Variants in TUSC3 observed in about 807,000 individuals in gnomAD.
TUSC3 encodes tumor suppressor candidate 3.
In TUSC3, 45 loss-of-function variants were observed where a neutral mutation model predicts 44.8. The observed-to-expected ratio is 1.00, with a 90% CI of 0.79 to 1.29. The LOEUF (loss-of-function observed/expected upper bound fraction) is 1.29. Ranked by LOEUF, TUSC3 falls within the 50% of genes most tolerant of loss-of-function variation. TUSC3 has a pLI of 0.00. For synonymous variants in TUSC3, 212 were observed against 152.9 expected (o/e 1.39, Z -2.85); for missense variants, 519 against 437.9 (o/e 1.19, Z -1.65).
chr8:15,808,789 G>A, the TUSC3 span, among the ~76,000 whole-genome samples: 1 of 152,048 alleles, frequency 6.6e-6, no homozygotes, highest in East Asian at 1.9e-4. Context: ...CTCATTCTGA[G>A]CTCTTGGTCA....
intron 1 of TUSC3, among the ~76,000 whole-genome samples, chr8:15,597,300 C>T (rs1302752909): frequency 6.6e-6 from 1 of 152,068 alleles, no homozygotes; most frequent in Non-Finnish European, 1.5e-5. Flanking sequence ...GAGATCTAAA[C>T]CAGTATCATT....
chr8:15,846,661 T>A, the TUSC3 span, among the ~76,000 whole-genome samples: 2 of 150,720 alleles, frequency 1.3e-5, no homozygotes, highest in Non-Finnish European at 3.0e-5. Flanking sequence ...AATTGAGGAG[T>A]TGAACAATGA....
In TUSC3 at chr8:15,765,327, C is replaced by T. The variant is rs1421869643; in HGVS notation, c.*1171C>T. 1 of 151,970 alleles carries T rather than the reference C, an allele frequency of 6.6e-6. No homozygotes were observed. The highest frequency in any genetic ancestry group is 1.5e-5 in the Non-Finnish European group (1 of 67,918). The allele number at this position is 151,970 out of a possible 1,614,324, so 9.4% of individuals were successfully genotyped here. A position where few individuals can be genotyped will look rare whatever the true frequency, so the allele number is the denominator to read the frequency against. Reference sequence around the variant, plus strand: ...CCAAATTAATTAGGGTTTAGGAAAGCAGTTCTTCTTGAGTCAGTTCAATAA... The same window carrying T: ...CCAAATTAATTAGGGTTTAGGAAAGTAGTTCTTCTTGAGTCAGTTCAATAA... On this transcript the variant is annotated 3_prime_UTR_variant, in exon 11 of 11. Coordinates refer to ENST00000503731, the MANE Select transcript of TUSC3 (RefSeq NM_006765.4).
At chr8:15,620,777 G>A (rs1289195819) in intron 1 of TUSC3, among the ~76,000 whole-genome samples, 1 of 152,144 alleles carries the variant, frequency 6.6e-6, no homozygotes, top group Non-Finnish European at 1.5e-5. Flanking sequence ...GGAAATAGGA[G>A]TACCAGACTC....
At chr8:15,519,747 G>A (rs896507132) in intron 2 of TUSC3, among the ~76,000 whole-genome samples, 16 of 152,170 alleles carry the variant, frequency 1.1e-4, no homozygotes, top group Admixed American at 3.9e-4. Flanking sequence ...GGATTAAGGG[G>A]ACCACTGGAT....
the TUSC3 span, among the ~76,000 whole-genome samples, chr8:15,776,077 A>G: frequency 2.0e-5 from 3 of 152,106 alleles, no homozygotes; most frequent in African/African-American, 7.2e-5. Context: ...TAGTTTCTCT[A>G]TGATAAAGCA....
chr8:15,609,791 A>T (rs981666892), intron 1 of TUSC3, among the ~76,000 whole-genome samples: 2 of 152,080 alleles, frequency 1.3e-5, no homozygotes, highest in African/African-American at 2.4e-5. Flanking sequence ...TAAAAATAAA[A>T]CAGAGTAACT....
chr8:15,555,023 T>C lies in TUSC3; in HGVS notation c.138+14455T>C, dbSNP rs375202345. ...TAAGTTTGGGGTTTTGGCAAGGAGA[T>C]TGAAGGAACACACATTATAGATATA... On this transcript the variant is annotated intron_variant, in intron 1 of 10. Transcript: ENST00000503731. 2.0e-4 allele frequency among the ~76,000 whole-genome samples: 30 copies of C among 151,558 alleles called. 1 individual carries two copies. The highest frequency in any genetic ancestry group is 9.3e-4 in the Admixed American group (14 of 15,130).
chr8:15,586,420 T>C (rs1803605341), intron 1 of TUSC3, among the ~76,000 whole-genome samples: 1 of 152,048 alleles, frequency 6.6e-6, no homozygotes, highest in African/African-American at 2.4e-5. Context: ...TTTGCTTTTA[T>C]AGGAAAACAG....
At chr8:15,542,326 A>C (rs1176329065) in intron 1 of TUSC3, among the ~76,000 whole-genome samples, 1 of 152,078 alleles carries the variant, frequency 6.6e-6, no homozygotes, top group South Asian at 2.1e-4. Context: ...TTCAGAGAGA[A>C]TAGATTGTAA....
Position 15,490,132 on chromosome 8 carries a change from A to G in TUSC3, n.189+6649A>G, listed in dbSNP as rs538274763. On this transcript the variant is annotated intron_variant and non_coding_transcript_variant, in intron 2 of 5. Transcript: ENST00000503191. Reference sequence around the variant, plus strand: ...TTAGTTTGATTTGGTTTTATTTACTATTTTTTACATGGATATTGGAAAAGC... The same window carrying G: ...TTAGTTTGATTTGGTTTTATTTACTGTTTTTTACATGGATATTGGAAAAGC... 7.2e-5 allele frequency among the ~76,000 whole-genome samples: 11 copies of G among 152,224 alleles called. No individual in the cohort carries two copies. In the East Asian group the frequency reaches 1.9e-3, roughly 27 times the overall value.
intron 1 of TUSC3, among the ~76,000 whole-genome samples, chr8:15,449,150 T>C (rs375947540): frequency 7.2e-5 from 11 of 152,322 alleles, no homozygotes; most frequent in African/African-American, 2.4e-4. Context: ...GGCCAGAAGC[T>C]GAAAACAGGT....
chr8:15,590,139 G>A (rs1803765124), intron 1 of TUSC3, among the ~76,000 whole-genome samples: 1 of 152,142 alleles, frequency 6.6e-6, no homozygotes, highest in Admixed American at 6.6e-5. Flanking sequence ...GACATTTATG[G>A]ATATTTTAAA....
At chr8:15,779,098 C>CTTTTTT in the TUSC3 span, among the ~76,000 whole-genome samples, 1 of 111,854 alleles carries the variant, frequency 8.9e-6, no homozygotes, top group Non-Finnish European at 1.8e-5. Context: ...CGAATGTTTT[C>CTTTTTT]TTTTTTTTTT....
At chr8:15,732,100 G>A (rs1051040332) in intron 7 of TUSC3, among the ~76,000 whole-genome samples, 1 of 152,280 alleles carries the variant, frequency 6.6e-6, no homozygotes, top group South Asian at 2.1e-4. Flanking sequence ...AGGCTAGTTG[G>A]TGTATTCCTC....
chr8:15,618,468 C>T (rs913499808), intron 1 of TUSC3, among the ~76,000 whole-genome samples: 1 of 152,064 alleles, frequency 6.6e-6, no homozygotes, highest in African/African-American at 2.4e-5. Flanking sequence ...CATACATTAG[C>T]CTAGGCCTGC....
chr8:15,764,236 A>G lies in TUSC3; in HGVS notation c.*80A>G. The G allele has an allele frequency of 5.0e-6, 8 of 1,605,668 alleles. No homozygotes were observed. The highest frequency in any genetic ancestry group is 5.1e-6 in the Non-Finnish European group (6 of 1,173,722). ...TTAAATGAAGCCAAGTGGGATTTGC[A>G]TAAAGTGAATGTTTACCATGAAGAT... On this transcript the variant is annotated 3_prime_UTR_variant, in exon 11 of 11. Coordinates refer to ENST00000503731, the MANE Select transcript of TUSC3 (RefSeq NM_006765.4).
intron 1 of TUSC3, among the ~76,000 whole-genome samples, chr8:15,466,548 T>A (rs1221890458): frequency 4.6e-5 from 7 of 152,184 alleles, no homozygotes; most frequent in Admixed American, 4.6e-4. Context: ...ATTAAGCTTG[T>A]AAGGATCTTA....
chr8:15,601,117 G>A (rs181501432), intron 1 of TUSC3, among the ~76,000 whole-genome samples: 3 of 151,682 alleles, frequency 2.0e-5, no homozygotes, highest in Non-Finnish European at 3.0e-5. Context: ...AGTATCCATA[G>A]GTAGCAAGCT....
Sources: allele counts gnomAD v4.1 joint callset (sites outside exome capture counted in the v4.1 genomes callset), GRCh38; gene constraint gnomAD v4.1.1; transcripts MANE v1.5; gene names NCBI Gene and HGNC (gene_info 2026-07-23, HGNC 2026-07-21).